Variants in AFAP1L1 observed in about 807,000 individuals in gnomAD.
The protein encoded by AFAP1L1 is actin filament-associated protein 1-like 1.
A neutral mutation model predicts 99.8 loss-of-function variants in AFAP1L1; 77 were observed. That is an observed-to-expected ratio of 0.77 (90% CI 0.64 to 0.93). The LOEUF is 0.93. AFAP1L1 is among the 40% of genes least tolerant of loss of function. AFAP1L1 has a pLI of 0.00. For synonymous variants in AFAP1L1, 373 were observed against 395.3 expected, an observed-to-expected ratio of 0.94 and a Z score of 0.67; for missense variants, 893 against 996.8, an observed-to-expected ratio of 0.90 and a Z score of 1.40.
chr5:149,335,458 C>T lies in AFAP1L1; in HGVS notation c.2155-136C>T, dbSNP rs1455208335. 7.4e-6 allele frequency: 9 copies of T among 1,218,210 alleles called. No homozygotes were observed. In the Admixed American group the frequency reaches 7.5e-5, roughly 10 times the overall value. The allele number at this position is 1,218,210 out of a possible 1,614,324, so 75.5% of individuals were successfully genotyped here. On this transcript the variant is annotated intron_variant, in intron 17 of 18. Transcript: ENST00000296721. ...AGCCAAGCTCGTGCCACTGCGCTCC[C>T]GCCTGGGTGACAGAGACTCTGTCTC...
At chr5:149,317,686 C>A (rs545614560) in intron 11 of AFAP1L1, 43 bp from the exon 12 acceptor site, 21 of 1,605,306 alleles carry the variant, frequency 1.3e-5, no homozygotes, top group Non-Finnish European at 1.8e-5. Context: ...CCCATGCTGT[C>A]CCAGGGCAGG....
At position 149,299,600 on chromosome 5, in the gene AFAP1L1, C is replaced by G. The variant is rs142671314; in HGVS notation, c.108C>G (p.Ala36=). 33 of 1,614,030 alleles carry G rather than the reference C, an allele frequency of 2.0e-5. No homozygotes were observed. Among genetic ancestry groups the G allele is most frequent in the South Asian group, 9.9e-5 (9 of 91,086 alleles). The change falls in exon 2 of 19, where the codon GCC becomes GCG. Residue 36 remains alanine (A), a synonymous_variant. Transcript: ENST00000296721. The part of the protein sequence containing the change: ...LSDTTLEKKM[A]VASILQSLQP... ...ATACCACCCTGGAAAAGAAGATGGC[C>G]GTGGCCTCCATCCTGCAGAGCCTGC...
At chr5:149,317,634 C>A in intron 11 of AFAP1L1, 95 bp from the exon 12 acceptor site, 1 of 1,327,398 alleles carries the variant, frequency 7.5e-7, no homozygotes. Flanking sequence ...ACCAGGACCC[C>A]GAGGCCTTCT....
intron 3 of AFAP1L1, among the ~76,000 whole-genome samples, chr5:149,300,769 G>A (rs547634952): frequency 6.6e-6 from 1 of 152,382 alleles, no homozygotes; most frequent in African/African-American, 2.4e-5. Flanking sequence ...TATCCTGAGG[G>A]AAGACAGCTC....
At chr5:149,301,681 G>A (rs1377316430) in intron 4 of AFAP1L1, among the ~76,000 whole-genome samples, 1 of 152,162 alleles carries the variant, frequency 6.6e-6, no homozygotes, top group Non-Finnish European at 1.5e-5. Flanking sequence ...CTCTGAGCCT[G>A]AGTTTGTCAC....
intron 7 of AFAP1L1, among the ~76,000 whole-genome samples, chr5:149,307,856 C>CTCTCTCTCTCTCTCTCTCTT (rs1310196130): frequency 1.3e-5 from 2 of 149,016 alleles, no homozygotes; most frequent in African/African-American, 5.0e-5. Context: ...CTCTCTCTCT[C>CTCTCTCTCTCTCTCTCTCTT]TTAAATTTAA....
At chr5:149,319,369 TGAG>T (rs1031495404) in intron 12 of AFAP1L1, among the ~76,000 whole-genome samples, 2 of 152,182 alleles carry the variant, frequency 1.3e-5, no homozygotes, top group African/African-American at 4.8e-5. Flanking sequence ...AGGGCCTCCC[TGAG>T]GAGGTGACAT....
intron 1 of AFAP1L1, among the ~76,000 whole-genome samples, chr5:149,295,139 C>T (rs1026432487): frequency 6.6e-6 from 1 of 152,200 alleles, no homozygotes; most frequent in South Asian, 2.1e-4. Context: ...CCGTTCAGGT[C>T]GCAGAAACCC....
intron 5 of AFAP1L1, among the ~76,000 whole-genome samples, chr5:149,304,843 A>G (rs898125062): frequency 6.6e-6 from 1 of 152,168 alleles, no homozygotes; most frequent in Non-Finnish European, 1.5e-5. Context: ...GTCACTGGGA[A>G]TGTCAGTGCT....
chr5:149,312,183 G>T lies in AFAP1L1; in HGVS notation c.999G>T (p.Leu333=). 1 of 1,614,192 alleles carries T rather than the reference G, an allele frequency of 6.2e-7. No homozygotes were observed. Among genetic ancestry groups the T allele is most frequent in the Non-Finnish European group, 8.5e-7 (1 of 1,180,026 alleles). ...GVEVPRSPVL[L]CKLDLDKRLS... is the part of the protein sequence containing the mutation. ...AGGTCCCCAGATCCCCAGTCCTCCT[G>T]TGCAAGTTGGACCTGGACAAGGTAT... The change falls in exon 9 of 19, where the codon CTG becomes CTT. Residue 333 remains leucine (L), a synonymous_variant. Coordinates refer to ENST00000296721, the MANE Select transcript of AFAP1L1 (RefSeq NM_152406.4).
At chr5:149,329,351 A>G (rs1165468632) in intron 15 of AFAP1L1, among the ~76,000 whole-genome samples, 1 of 152,160 alleles carries the variant, frequency 6.6e-6, no homozygotes, top group Non-Finnish European at 1.5e-5. Context: ...ACTTATGCCT[A>G]ATGTCACACA....
chr5:149,317,666 G>T (rs572085277), intron 11 of AFAP1L1, 63 bp from the exon 12 acceptor site: 28 of 1,571,880 alleles, frequency 1.8e-5, no homozygotes, highest in Non-Finnish European at 2.1e-5. Flanking sequence ...ACATGGAGCC[G>T]CCTTGCGTCC....
At chr5:149,290,592 C>G (rs1209274512) in intron 1 of AFAP1L1, among the ~76,000 whole-genome samples, 5 of 152,212 alleles carry the variant, frequency 3.3e-5, no homozygotes, top group African/African-American at 1.2e-4. Flanking sequence ...ATGTGCATCA[C>G]TAAATCAATT....
At chr5:149,284,615 G>C (rs1274864448) in intron 1 of AFAP1L1, among the ~76,000 whole-genome samples, 1 of 152,228 alleles carries the variant, frequency 6.6e-6, no homozygotes, top group Admixed American at 6.5e-5. Context: ...GAAGGGATGG[G>C]ATTACGGAGA....
chr5:149,332,968 G>A, intron 17 of AFAP1L1, 95 bp downstream of exon 17: 2 of 1,407,198 alleles, frequency 1.4e-6, no homozygotes, highest in Non-Finnish European at 1.9e-6. Context: ...GGAGGTAGGG[G>A]TTATGCCCAC....
At chr5:149,309,880 G>T (rs74749835) in intron 7 of AFAP1L1, 76 bp from the exon 8 acceptor site, 4 of 1,597,742 alleles carry the variant, frequency 2.5e-6, no homozygotes, top group African/African-American at 2.7e-5. Context: ...GGCTTCCCCC[G>T]AGCCTTTGTG....
At chr5:149,326,919 A>G (rs1156466773) in intron 15 of AFAP1L1, among the ~76,000 whole-genome samples, 1 of 152,234 alleles carries the variant, frequency 6.6e-6, no homozygotes, top group African/African-American at 2.4e-5. Context: ...GTAGACTACA[A>G]TAAAATAGTT....
intron 5 of AFAP1L1, 86 bp from the exon 6 acceptor site, chr5:149,306,220 G>A (rs1756405594): frequency 3.5e-6 from 4 of 1,135,838 alleles, no homozygotes; most frequent in Non-Finnish European, 5.0e-6. Flanking sequence ...CTGAGGTGGA[G>A]CAGGGGTGTC....
Position 149,280,362 on chromosome 5 carries a change from C to CT in AFAP1L1, c.16+8379dup, listed in dbSNP as rs112720513. Among the ~76,000 whole-genome samples the CT allele has an allele frequency of 4.8e-4, 73 of 152,310 alleles. 2 individuals are homozygous for CT. The highest frequency in any genetic ancestry group is 3.4e-3 in the Middle Eastern group (1 of 294). ...GCCTTAAGGACCACTCCCTATTTAT[C>CT]TAAAGCAGTGGTTCTCAAATCCAGC... On this transcript the variant is annotated intron_variant, in intron 1 of 18. Coordinates refer to ENST00000296721, the MANE Select transcript of AFAP1L1 (RefSeq NM_152406.4).
Sources: gnomAD v4.1 joint callset for allele counts (sites outside exome capture counted in the v4.1 genomes callset) on GRCh38, gnomAD v4.1.1 for gene constraint, MANE v1.5 for transcripts, NCBI Gene and HGNC (gene_info 2026-07-23, HGNC 2026-07-21) for gene names.